The following CLIC4 variants were observed in gnomAD, a reference collection of about 807,000 sequenced individuals.
The protein encoded by CLIC4 is CLIC family member 4, also known as chloride intracellular channel protein 4.
In CLIC4, 13 loss-of-function variants were observed where a neutral mutation model predicts 24.6. The ratio of observed to expected loss-of-function variants is 0.53; its 90% CI spans 0.34 to 0.84. The LOEUF (loss-of-function observed/expected upper bound fraction) is 0.84. Among genes scored for constraint, CLIC4 ranks in the 40% least tolerant of loss-of-function variants. The probability of loss-of-function intolerance (pLI) is 0.01; values close to 1 mark genes in which losing one functional copy is unlikely to be tolerated. For synonymous variants in CLIC4, 104 were observed against 111.3 expected (o/e 0.93, Z 0.41); for missense variants, 227 against 301.7 (o/e 0.75, Z 1.83).
chr1:24,787,170 A>G (rs1318601911), intron 1 of CLIC4, among the ~76,000 whole-genome samples: 1 of 152,112 alleles, frequency 6.6e-6, no homozygotes, highest in Non-Finnish European at 1.5e-5. Flanking sequence ...AACAGTAGAC[A>G]TGTATGTTTT....
At chr1:24,762,118 G>A (rs1488952183) in intron 1 of CLIC4, among the ~76,000 whole-genome samples, 1 of 152,010 alleles carries the variant, frequency 6.6e-6, no homozygotes, top group Non-Finnish European at 1.5e-5. Context: ...TAGAATATTT[G>A]GTATTTAAAG....
At chr1:24,819,180 C>T (rs1309277750) in intron 3 of CLIC4, among the ~76,000 whole-genome samples, 2 of 152,252 alleles carry the variant, frequency 1.3e-5, no homozygotes, top group South Asian at 2.1e-4. Context: ...AGCCTATCCT[C>T]TACTATCCTT....
chr1:24,753,873 A>T (rs1163726841), intron 1 of CLIC4, among the ~76,000 whole-genome samples: 1 of 152,208 alleles, frequency 6.6e-6, no homozygotes, highest in Non-Finnish European at 1.5e-5. Context: ...ACAGGCTTCA[A>T]ACTTCCCCCC....
At chr1:24,776,570 A>G (rs946826353) in intron 1 of CLIC4, among the ~76,000 whole-genome samples, 6 of 152,240 alleles carry the variant, frequency 3.9e-5, no homozygotes, top group African/African-American at 1.4e-4. Flanking sequence ...AAAAATTGCA[A>G]AAATAATACA....
At chr1:24,803,425 T>C (rs758928518) in intron 2 of CLIC4, among the ~76,000 whole-genome samples, 76 of 152,338 alleles carry the variant, frequency 5.0e-4, no homozygotes, top group Non-Finnish European at 5.4e-4. Context: ...AGCCCATTTC[T>C]AGTTCTGGCA....
chr1:24,799,016 C>T lies in CLIC4; in HGVS notation c.182+1165C>T, dbSNP rs188719733. Among the ~76,000 whole-genome samples the T allele has an allele frequency of 5.2e-3, 795 of 152,358 alleles. 4 individuals carry two copies. The highest frequency in any genetic ancestry group is 0.018 in the African/African-American group (754 of 41,584). ...GCTGCAACCTCCACCTCCCAGCCGT[C>T]TGCCTTGGCCTCCCAAAGTGCCGAG... On this transcript the variant is annotated intron_variant, in intron 2 of 5. Coordinates refer to ENST00000374379, the MANE Select transcript of CLIC4 (RefSeq NM_013943.3).
chr1:24,837,362 A>G (rs2124177074), intron 4 of CLIC4, among the ~76,000 whole-genome samples: 1 of 152,318 alleles, frequency 6.6e-6, no homozygotes, highest in South Asian at 2.1e-4. Context: ...TGACACAAGG[A>G]GGAATTAAAA....
intron 1 of CLIC4, among the ~76,000 whole-genome samples, chr1:24,789,559 A>C (rs1448179858): frequency 2.0e-5 from 3 of 152,070 alleles, no homozygotes; most frequent in African/African-American, 7.2e-5. Context: ...ATATATAAGA[A>C]GTATTACATT....
At chr1:24,753,518 G>A (rs1011743893) in intron 1 of CLIC4, among the ~76,000 whole-genome samples, 2 of 152,100 alleles carry the variant, frequency 1.3e-5, no homozygotes, top group African/African-American at 4.8e-5. Flanking sequence ...AGGTGGGTTC[G>A]GAATAGCCAA....
At chr1:24,779,145 T>G (rs1557800530) in intron 1 of CLIC4, among the ~76,000 whole-genome samples, 1 of 152,132 alleles carries the variant, frequency 6.6e-6, no homozygotes, top group African/African-American at 2.4e-5. Flanking sequence ...ATGCTTGTTA[T>G]AAAAAGACAA....
intron 1 of CLIC4, among the ~76,000 whole-genome samples, chr1:24,762,838 A>C (rs753187452): frequency 1.6e-4 from 24 of 152,172 alleles, no homozygotes; most frequent in South Asian, 6.2e-4. Flanking sequence ...TATGTAGAAG[A>C]CACAGGTTGA....
chr1:24,777,657 A>G (rs113650773), intron 1 of CLIC4, among the ~76,000 whole-genome samples: 3,093 of 152,292 alleles, frequency 0.02, 100 homozygotes, highest in African/African-American at 0.071. Flanking sequence ...CCTGCTGTCA[A>G]TACAATTGTC....
chr1:24,797,882 T>G, intron 2 of CLIC4, 31 bp downstream of exon 2: 2 of 1,402,350 alleles, frequency 1.4e-6, no homozygotes, highest in East Asian at 2.3e-5. Flanking sequence ...GCAATCAACT[T>G]AAGCTGAACT....
At chr1:24,747,095 ATTTTTTTT>A (rs749648001) in intron 1 of CLIC4, among the ~76,000 whole-genome samples, 5 of 120,286 alleles carry the variant, frequency 4.2e-5, no homozygotes, top group African/African-American at 9.2e-5. Context: ...TCAATTTTCG[ATTTTTTTT>A]TTTTTTTTTT....
At chr1:24,820,165 ACTC>A (rs1639714988) in intron 3 of CLIC4, among the ~76,000 whole-genome samples, 2 of 129,560 alleles carry the variant, frequency 1.5e-5, no homozygotes, top group Non-Finnish European at 1.6e-5. Context: ...GCAACCTTGA[ACTC>A]CTAGCCTCCT....
chr1:24,760,835 T>C (rs1638917615), intron 1 of CLIC4, among the ~76,000 whole-genome samples: 3 of 152,018 alleles, frequency 2.0e-5, no homozygotes, highest in Admixed American at 2.0e-4. Flanking sequence ...TTTTTTGAAG[T>C]AGGTTAAGGA....
intron 1 of CLIC4, among the ~76,000 whole-genome samples, chr1:24,775,376 A>T (rs1639124985): frequency 6.6e-6 from 1 of 150,444 alleles, no homozygotes; most frequent in Non-Finnish European, 1.5e-5. Context: ...TTCTTGAAAT[A>T]TTTTTTTCCT....
At chr1:24,826,316 G>A (rs1288650394) in intron 3 of CLIC4, among the ~76,000 whole-genome samples, 6 of 152,186 alleles carry the variant, frequency 3.9e-5, no homozygotes, top group Non-Finnish European at 2.9e-5. Context: ...AATCCCAGGT[G>A]TAGGTTTCAA....
intron 1 of CLIC4, among the ~76,000 whole-genome samples, chr1:24,780,777 T>G (rs2124112219): frequency 6.6e-6 from 1 of 152,292 alleles, no homozygotes; most frequent in South Asian, 2.1e-4. Flanking sequence ...CATCAGAGTT[T>G]GAGAAGCTGG....
Sources: allele counts gnomAD v4.1 joint callset (sites outside exome capture counted in the v4.1 genomes callset), GRCh38; gene constraint gnomAD v4.1.1; transcripts MANE v1.5; gene names NCBI Gene and HGNC (gene_info 2026-07-23, HGNC 2026-07-21).